The following U2AF2 variants were observed in gnomAD, a reference collection of about 807,000 sequenced individuals.
U2AF2 encodes the protein U2 small nuclear RNA auxiliary factor 2.
U2AF2 carries 6 observed loss-of-function variants against 52.6 expected under a neutral mutation model. The ratio of observed to expected loss-of-function variants is 0.11; its 90% CI spans 0.06 to 0.23. U2AF2 has a LOEUF of 0.23. Ranked by LOEUF, U2AF2 falls within the 10% of genes least tolerant of loss-of-function variation. The pLI, the probability that U2AF2 is intolerant of heterozygous loss-of-function variation, is 1.00. For missense variants in U2AF2, 222 were observed against 677.1 expected, an observed-to-expected ratio of 0.33 and a Z score of 7.46; for synonymous variants, 284 against 258.2, an observed-to-expected ratio of 1.10 and a Z score of -0.96.
Position 55,661,032 on chromosome 19 carries a change from T to C in U2AF2, c.335-6T>C. 1 of 1,575,972 alleles carries C rather than the reference T, an allele frequency of 6.3e-7. No homozygotes were observed. On this transcript the variant is annotated splice_region_variant and splice_polypyrimidine_tract_variant and intron_variant, in intron 4 of 11. Coordinates refer to ENST00000308924, the MANE Select transcript of U2AF2 (RefSeq NM_007279.3). ...GGGTTTTATCCGGCTTTTATTCCCT[T>C]TGAAGCTGCGGGTCAGATTCCAGCC... is the stretch of plus-strand genomic sequence containing the variant.
chr19:55,671,602 C>G (rs2122128642), intron 11 of U2AF2: 1 of 152,356 alleles, frequency 6.6e-6, no homozygotes, highest in East Asian at 1.9e-4. Flanking sequence ...GAAGGAGCAT[C>G]TTAGAAAAGG....
At chr19:55,660,267 C>T (rs757280369) in intron 3 of U2AF2, 46 bp downstream of exon 3, 5 of 1,595,288 alleles carry the variant, frequency 3.1e-6, no homozygotes, top group Non-Finnish European at 4.3e-6. Flanking sequence ...CCACTCCCTT[C>T]ACCTTCCTCA....
At chr19:55,659,414 TG>T in intron 2 of U2AF2, 69 bp downstream of exon 2, 1 of 1,402,418 alleles carries the variant, frequency 7.1e-7, no homozygotes, top group Non-Finnish European at 9.3e-7. Context: ...GGCCTGTGGG[TG>T]GCCTGTGTGT....
chr19:55,659,337 A>G lies in U2AF2; in HGVS notation c.177A>G (p.Arg59=). ...RDQRSASRDR[R]RRSKPLTRGA... ...AGCGGAGCGCCTCCCGGGACAGGCG[A>G]CGACGCAGGTACTAGGGCTCAGGGA... is the stretch of plus-strand genomic sequence containing the variant. Residue 59 remains arginine, a synonymous_variant, in exon 2 of 12, where the codon CGA becomes CGG. Coordinates refer to ENST00000308924, the MANE Select transcript of U2AF2 (RefSeq NM_007279.3). The G allele has an allele frequency of 2.0e-6, 3 of 1,538,220 alleles. No individual in the cohort carries two copies. The highest frequency in any genetic ancestry group is 1.2e-5 in the South Asian group (1 of 83,552).
At chr19:55,666,641 A>G (rs1236960124) in intron 7 of U2AF2, among the ~76,000 whole-genome samples, 3 of 152,266 alleles carry the variant, frequency 2.0e-5, no homozygotes, top group Non-Finnish European at 2.9e-5. Flanking sequence ...GATGGGCACC[A>G]GGGTTCTTCC....
chr19:55,666,463 C>T (rs769699424), intron 7 of U2AF2, among the ~76,000 whole-genome samples: 5 of 152,188 alleles, frequency 3.3e-5, no homozygotes, highest in Non-Finnish European at 5.9e-5. Flanking sequence ...CATGTAACAG[C>T]GGCTGACCCC....
chr19:55,669,631 T>C lies in U2AF2; in HGVS notation c.1232T>C (p.Leu411Pro), dbSNP rs747188501. 1.2e-5 allele frequency: 20 copies of C among 1,613,156 alleles called. No individual in the cohort carries two copies. Among genetic ancestry groups the C allele is most frequent in the Non-Finnish European group, 1.6e-5 (19 of 1,179,852 alleles). Reference protein sequence around the residue: ...DVRDECSKYGLVKSIEIPRPV... With the variant: ...DVRDECSKYGPVKSIEIPRPV... Reference sequence around the variant, plus strand: ...CGGGACGAGTGCAGCAAGTACGGGCTTGTCAAGTCCATCGAGATCCCCCGG... The same window carrying C: ...CGGGACGAGTGCAGCAAGTACGGGCCTGTCAAGTCCATCGAGATCCCCCGG... Residue 411 changes from leucine to proline, a missense_variant, in exon 11 of 12, where the codon CTT becomes CCT. Coordinates refer to ENST00000308924, the MANE Select transcript of U2AF2 (RefSeq NM_007279.3).
In U2AF2 at chr19:55,674,063, T is replaced by C; in HGVS notation, c.1423T>C (p.Trp475Arg). The stretch of plus-strand genomic sequence containing the variant: ...CGACTCTTATCACCGCCGGGACTTC[T>C]GGTAGAGGCGGCTGGGGGAGGGTGG... ...DPDSYHRRDF[W>R] Residue 475 changes from tryptophan (W) to arginine (R), a missense_variant, in exon 12 of 12, where the codon TGG becomes CGG. Around this residue, in one of 4 missense-constraint regions of U2AF2, gnomAD observed 71 missense variants for 180.6 expected, o/e 0.39. Transcript: ENST00000308924. 1 of 1,394,250 alleles carries C rather than the reference T, an allele frequency of 7.2e-7. No individual in the cohort carries two copies. The highest frequency in any genetic ancestry group is 1.9e-5 in the Admixed American group (1 of 52,368). 86.4% of individuals were successfully genotyped at this position (1,394,250 alleles called of 1,614,324 possible). A position where few individuals can be genotyped will look rare whatever the true frequency, so the allele number is the denominator to read the frequency against.
chr19:55,664,237 T>G (rs1984401070), intron 7 of U2AF2, among the ~76,000 whole-genome samples: 1 of 152,226 alleles, frequency 6.6e-6, no homozygotes, highest in African/African-American at 2.4e-5. Context: ...CATCTGTAAT[T>G]GGTAGGTAAC....
chr19:55,656,053 TG>T (rs977131154), intron 1 of U2AF2, among the ~76,000 whole-genome samples: 2 of 152,134 alleles, frequency 1.3e-5, no homozygotes, highest in Non-Finnish European at 1.5e-5. Context: ...ACGGGGAAGG[TG>T]GGAGGCAGGT....
intron 11 of U2AF2, chr19:55,672,044 AC>A (rs1158222748): frequency 6.6e-6 from 1 of 151,812 alleles, no homozygotes; most frequent in African/African-American, 2.4e-5. Flanking sequence ...CAGGAGAATT[AC>A]TTGAACCCGG....
intron 6 of U2AF2, among the ~76,000 whole-genome samples, chr19:55,663,220 A>C (rs1382087841): frequency 1.3e-5 from 2 of 152,180 alleles, no homozygotes; most frequent in East Asian, 3.9e-4. Flanking sequence ...GCCTCACTGC[A>C]GTCCACTTGC....
intron 1 of U2AF2, 79 bp downstream of exon 1, chr19:55,655,232 C>T (rs1983700178): frequency 1.3e-6 from 2 of 1,492,310 alleles, no homozygotes; most frequent in Non-Finnish European, 1.8e-6. Context: ...TTTTCTCCCT[C>T]GCTTCCCCCC....
Position 55,672,729 on chromosome 19 carries a change from AT to A in U2AF2, c.1294-1188del, listed in dbSNP as rs74179629. ...ATGTTCAAATTTTTCTATCTCAAGA[AT>A]TTTTTTTTTTTTTTTTGAGACAGAG... On this transcript the variant is annotated intron_variant, in intron 11 of 11. Coordinates refer to ENST00000308924, the MANE Select transcript of U2AF2 (RefSeq NM_007279.3). Among the ~76,000 whole-genome samples the A allele has an allele frequency of 2.7e-3, 378 of 141,130 alleles. 1 individual carries two copies. The highest frequency in any genetic ancestry group is 2.6e-3 in the Non-Finnish European group (170 of 64,440). The allele number at this position is 141,130 out of a possible 152,430, so 92.6% of individuals were successfully genotyped here.
rs771045061 is a variant in U2AF2, at chr19:55,662,613, T to C, written c.598T>C (p.Leu200=). The C allele has an allele frequency of 1.2e-6, 2 of 1,613,166 alleles. No homozygotes were observed. Among genetic ancestry groups the C allele is most frequent in the Non-Finnish European group, 8.5e-7 (1 of 1,179,508 alleles). ...TAACCAGGACAAGAATTTTGCCTTT[T>C]TGGAGGTGAGCTGGGGGAGTGAGTG... ...QINQDKNFAF[L]EFRSVDETTQ... is the part of the protein sequence containing the mutation. The change falls in exon 6 of 12, where the codon TTG becomes CTG. Residue 200 remains leucine, a synonymous_variant. Coordinates refer to ENST00000308924, the MANE Select transcript of U2AF2 (RefSeq NM_007279.3).
chr19:55,659,671 G>C (rs1191135260), intron 2 of U2AF2, among the ~76,000 whole-genome samples: 2 of 151,930 alleles, frequency 1.3e-5, no homozygotes, highest in Non-Finnish European at 1.5e-5. Context: ...CTGAGGGCCT[G>C]TTCCTTCTTT....
At chr19:55,667,820 C>T (rs1272286297) in intron 7 of U2AF2, among the ~76,000 whole-genome samples, 4 of 150,778 alleles carry the variant, frequency 2.7e-5, no homozygotes, top group Non-Finnish European at 1.5e-5. Flanking sequence ...GAGTCTCACT[C>T]TGTTGCTCAG....
intron 7 of U2AF2, among the ~76,000 whole-genome samples, chr19:55,666,952 C>T (rs1347756334): frequency 1.3e-5 from 2 of 152,166 alleles, no homozygotes; most frequent in African/African-American, 4.8e-5. Context: ...TTTTTGCCTT[C>T]TGTGCTGTAT....
intron 1 of U2AF2, 60 bp downstream of exon 1, chr19:55,655,213 C>T (rs958374254): frequency 1.8e-5 from 28 of 1,539,280 alleles, no homozygotes; most frequent in African/African-American, 5.7e-5. Flanking sequence ...GCTCTTTGCC[C>T]CCCCGCCATT....
Sources: gnomAD v4.1 joint callset for allele counts (sites outside exome capture counted in the v4.1 genomes callset) on GRCh38, gnomAD v4.1.1 for gene constraint, gnomAD v4.1.1 regional missense constraint, MANE v1.5 for transcripts, NCBI Gene and HGNC (gene_info 2026-07-23, HGNC 2026-07-21) for gene names.